POP4: variants seen among roughly 807,000 people sequenced by gnomAD.
POP4 encodes POP4 ribonuclease P/MRP subunit, also known as ribonuclease P protein subunit p29.
A neutral mutation model predicts 29.9 loss-of-function variants in POP4; 31 were observed. That is an observed-to-expected ratio of 1.04 (90% confidence interval 0.78 to 1.40). The LOEUF is 1.40. Ranked by LOEUF, POP4 falls within the 40% of genes most tolerant of loss-of-function variation. The pLI is 0.00. For missense variants in POP4, 286 were observed against 282.7 expected (o/e 1.01, Z -0.08); for synonymous variants, 110 against 108.2 (o/e 1.02, Z -0.10).
chr19:29,608,455 C>T (rs527539536), intron 1 of POP4, among the ~76,000 whole-genome samples: 3 of 151,854 alleles, frequency 2.0e-5, no homozygotes, highest in South Asian at 2.1e-4. Flanking sequence ...TTAGTAGAGA[C>T]GGGGTTTCAC....
intron 1 of POP4, 183 bp downstream of exon 1, chr19:29,606,508 C>T: frequency 1.6e-6 from 1 of 620,544 alleles, no homozygotes; most frequent in Non-Finnish European, 2.6e-6. Context: ...GGCTCGACCT[C>T]TGAGCTAGGG....
chr19:29,606,611 A>T, intron 1 of POP4: 1 of 366,030 alleles, frequency 2.7e-6, no homozygotes, highest in South Asian at 8.5e-5. Context: ...CAACTTGGCC[A>T]CTATCTCCCG....
Position 29,608,702 on chromosome 19 carries a change from A to G in POP4, c.53A>G (p.Asp18Gly). The change falls in exon 2 of 7, where the codon GAT becomes GGT. Residue 18 changes from aspartate to glycine, a missense_variant. Physicochemically the swap from Asp to Gly is moderately conservative, Grantham distance 94. Transcript: ENST00000585603. Reference sequence around the variant, plus strand: ...TCTCAGAAAGAGGCGAATGACTCCGATGTCCAGGTCAGTTCTTGGCAGGGA... The same window carrying G: ...TCTCAGAAAGAGGCGAATGACTCCGGTGTCCAGGTCAGTTCTTGGCAGGGA... The part of the protein sequence containing the change: ...ALSQKEANDS[D>G]VQPSGAQRAE... The G allele has an allele frequency of 1.2e-6, 2 of 1,613,960 alleles. No individual in the cohort carries two copies. The highest frequency in any genetic ancestry group is 8.5e-7 in the Non-Finnish European group (1 of 1,179,868).
chr19:29,612,248 G>T, intron 5 of POP4, 70 bp downstream of exon 5: 1 of 1,406,710 alleles, frequency 7.1e-7, no homozygotes, highest in South Asian at 1.4e-5. Flanking sequence ...GGAGACCCAG[G>T]GCGTGTGTTC....
chr19:29,612,045 G>A, intron 4 of POP4, 72 bp from the exon 5 acceptor site: 1 of 1,589,526 alleles, frequency 6.3e-7, no homozygotes, highest in Non-Finnish European at 8.6e-7. Flanking sequence ...GCTGCAGACG[G>A]TTAAAGACCT....
At chr19:29,610,091 G>A (rs1440813706) in intron 2 of POP4, 1 of 353,882 alleles carries the variant, frequency 2.8e-6, no homozygotes, top group African/African-American at 2.1e-5. Flanking sequence ...CCAAGGATGA[G>A]AGAATTCTTC....
chr19:29,609,208 A>G (rs1971037555), intron 2 of POP4: 2 of 153,088 alleles, frequency 1.3e-5, no homozygotes, highest in Admixed American at 1.3e-4. Flanking sequence ...TCCATGAAAG[A>G]TGAGCCACTC....
intron 3 of POP4, 28 bp downstream of exon 3, chr19:29,610,660 C>T (rs1417368524): frequency 6.2e-7 from 1 of 1,603,076 alleles, no homozygotes; most frequent in South Asian, 1.1e-5. Context: ...CGTCTTTCTG[C>T]CCGCGGTGCT....
rs1012132265 is a variant in POP4, at chr19:29,617,022, T to C, written c.*1642T>C. 1.3e-5 allele frequency: 2 copies of C among 152,214 alleles called. No homozygotes were observed. The highest frequency in any genetic ancestry group is 6.5e-5 in the Admixed American group (1 of 15,274). 9.4% of individuals were successfully genotyped at this position (152,214 alleles called of 1,614,324 possible). On this transcript the variant is annotated 3_prime_UTR_variant, in exon 7 of 7. Coordinates refer to ENST00000585603, the MANE Select transcript of POP4 (RefSeq NM_006627.3). ...GGCTGCAGGATGAGACGGATGCAGT[T>C]CAAAGTGCAGGATGTGCTGCCTTTA...
At chr19:29,610,313 C>G in intron 2 of POP4, 96 bp from the exon 3 acceptor site, 2 of 1,189,356 alleles carry the variant, frequency 1.7e-6, no homozygotes, top group South Asian at 1.6e-5. Flanking sequence ...CCCATTTGCT[C>G]TTGCAGTAGC....
intron 6 of POP4, 118 bp from the exon 7 acceptor site, chr19:29,615,126 C>CT: frequency 8.0e-7 from 1 of 1,252,580 alleles, no homozygotes. Context: ...TTCCCGTTTC[C>CT]TATTAGCTTA....
At chr19:29,606,456 C>A in intron 1 of POP4, 131 bp downstream of exon 1, 1 of 1,091,486 alleles carries the variant, frequency 9.2e-7, no homozygotes. Flanking sequence ...AATGGGCCCA[C>A]CCTACCTAAG....
chr19:29,615,824 G>A lies in POP4; in HGVS notation c.*444G>A, dbSNP rs538644357. Reference sequence around the variant, plus strand: ...CAGTCCAGCCAGGTTGAAAGGGAAGGGGGGTCCCCAAAGGTCCATTGGATG... The same window carrying A: ...CAGTCCAGCCAGGTTGAAAGGGAAGAGGGGTCCCCAAAGGTCCATTGGATG... On this transcript the variant is annotated 3_prime_UTR_variant, in exon 7 of 7. Coordinates refer to ENST00000585603, the MANE Select transcript of POP4 (RefSeq NM_006627.3). 6.5e-6 allele frequency: 1 copy of A among 153,998 alleles called. No individual in the cohort carries two copies. Among genetic ancestry groups the A allele is most frequent in the African/African-American group, 2.4e-5 (1 of 41,604 alleles). The allele number at this position is 153,998 out of a possible 1,614,324, so 9.5% of individuals were successfully genotyped here.
Position 29,610,390 on chromosome 19 carries a change from C to A in POP4, c.61-19C>A, listed in dbSNP as rs551187613. On this transcript the variant is annotated intron_variant, in intron 2 of 6. Transcript: ENST00000585603. ...CCAGACCGGAGCAGTGAGCGCCGCA[C>A]CCCCTTGTCCGCCTGCAGCCTTCAG... The A allele has an allele frequency of 3.0e-4, 456 of 1,518,784 alleles. No homozygotes were observed. Among genetic ancestry groups the A allele is most frequent in the Non-Finnish European group, 3.8e-4 (433 of 1,140,660 alleles). 94.1% of individuals were successfully genotyped at this position (1,518,784 alleles called of 1,614,324 possible).
intron 5 of POP4, among the ~76,000 whole-genome samples, chr19:29,612,791 C>T (rs1333599542): frequency 2.0e-5 from 3 of 152,344 alleles, no homozygotes; most frequent in South Asian, 2.1e-4. Context: ...CTAATCTCCT[C>T]GAATCCTTCG....
chr19:29,608,422 A>G (rs1971028235), intron 1 of POP4, among the ~76,000 whole-genome samples: 1 of 151,946 alleles, frequency 6.6e-6, no homozygotes, highest in Admixed American at 6.6e-5. Context: ...GCAAGCCACC[A>G]TCCCCGGCTA....
At chr19:29,607,282 G>GA (rs10625292) in intron 1 of POP4, among the ~76,000 whole-genome samples, 65,211 of 146,348 alleles carry the variant, frequency 0.45, 14,891 homozygotes, top group Non-Finnish European at 0.51. Flanking sequence ...ACAAAAACTG[G>GA]AAAAAAAAAA....
At chr19:29,606,791 G>T (rs1971003902) in intron 1 of POP4, among the ~76,000 whole-genome samples, 1 of 152,036 alleles carries the variant, frequency 6.6e-6, no homozygotes, top group Non-Finnish European at 1.5e-5. Flanking sequence ...TTAAGACTGG[G>T]CCTTCAATCA....
intron 2 of POP4, chr19:29,609,052 C>G (rs1971036100): frequency 4.7e-6 from 1 of 214,576 alleles, no homozygotes. Flanking sequence ...GGTGTGCAAT[C>G]ACATATCATA....
Sources: gnomAD v4.1 joint callset for allele counts (sites outside exome capture counted in the v4.1 genomes callset) on GRCh38, gnomAD v4.1.1 for gene constraint, MANE v1.5 for transcripts, NCBI Gene and HGNC (gene_info 2026-07-23, HGNC 2026-07-21) for gene names.